RPGRIP1: variants seen among roughly 807,000 people sequenced by gnomAD.
RPGRIP1 encodes the protein RPGR interacting protein 1.
In RPGRIP1, 128 loss-of-function variants were observed where a neutral mutation model predicts 157.9. That is an observed-to-expected ratio of 0.81 (90% CI 0.70 to 0.94). The LOEUF (loss-of-function observed/expected upper bound fraction) is 0.94, where lower values mean the gene tolerates loss of function less well. RPGRIP1 is among the 40% of genes least tolerant of loss of function. The pLI, the probability that RPGRIP1 is intolerant of heterozygous loss-of-function variation, is 0.00. For missense variants in RPGRIP1, 1,486 were observed against 1,545.8 expected (o/e 0.96, Z 0.65); for synonymous variants, 554 against 571.6 (o/e 0.97, Z 0.44).
At chr14:21,295,478 ATTTTTTTTT>A (rs11342361) in intron 3 of RPGRIP1, among the ~76,000 whole-genome samples, 132 of 116,520 alleles carry the variant, frequency 1.1e-3, no homozygotes, top group East Asian at 1.7e-3. Context: ...TATTTTTGAG[ATTTTTTTTT>A]TTTTTTTTTT....
intron 23 of RPGRIP1, among the ~76,000 whole-genome samples, chr14:21,347,561 T>A (rs918672235): frequency 4.6e-5 from 7 of 152,358 alleles, no homozygotes; most frequent in Admixed American, 4.6e-4. Flanking sequence ...CTTGAATTTT[T>A]AGTCCTATTC....
intron 6 of RPGRIP1, among the ~76,000 whole-genome samples, chr14:21,306,379 T>C (rs1262898621): frequency 6.6e-6 from 1 of 151,296 alleles, no homozygotes; most frequent in African/African-American, 2.4e-5. Context: ...GTGATTCGCC[T>C]TCCTCGACCT....
intron 1 of RPGRIP1, among the ~76,000 whole-genome samples, chr14:21,282,605 ATTTTTTTTTTTTT>A (rs35939351): frequency 1.9e-5 from 2 of 103,238 alleles, no homozygotes; most frequent in African/African-American, 7.8e-5. Context: ...TCTACATTCC[ATTTTTTTTTTTTT>A]TTTTTTTTTG....
intron 17 of RPGRIP1, among the ~76,000 whole-genome samples, chr14:21,327,369 C>T (rs1883220604): frequency 6.6e-6 from 1 of 152,146 alleles, no homozygotes. Flanking sequence ...AAGCTGTACT[C>T]CTTTTCATAC....
At chr14:21,329,886 G>A (rs539441728) in intron 19 of RPGRIP1, among the ~76,000 whole-genome samples, 32 of 151,496 alleles carry the variant, frequency 2.1e-4, no homozygotes, top group African/African-American at 7.0e-4. Flanking sequence ...GGGAGGCTGA[G>A]GCATGCGGAT....
At chr14:21,296,296 A>T (rs929893234) in intron 3 of RPGRIP1, among the ~76,000 whole-genome samples, 1 of 151,718 alleles carries the variant, frequency 6.6e-6, no homozygotes, top group Non-Finnish European at 1.5e-5. Context: ...CGAACTCCTG[A>T]GCTCAGGCAA....
chr14:21,281,980 A>G (rs1418589386), intron 1 of RPGRIP1, among the ~76,000 whole-genome samples: 2 of 152,074 alleles, frequency 1.3e-5, no homozygotes, highest in Admixed American at 1.3e-4. Context: ...CTGTAATCCC[A>G]GCTACTCTGG....
chr14:21,294,575 A>C, intron 2 of RPGRIP1, 102 bp from the exon 3 acceptor site: 1 of 1,194,764 alleles, frequency 8.4e-7, no homozygotes, highest in East Asian at 2.5e-5. Flanking sequence ...TACTTGACTC[A>C]AGATAGATTT....
At chr14:21,342,951 G>GT (rs1200369202) in intron 21 of RPGRIP1, 85 bp from the exon 22 acceptor site, 3 of 910,284 alleles carry the variant, frequency 3.3e-6, no homozygotes, top group Non-Finnish European at 5.2e-6. Flanking sequence ...TTTCTAGAGA[G>GT]TACCGTAATG....
chr14:21,281,561 C>T (rs1381175025), intron 1 of RPGRIP1, among the ~76,000 whole-genome samples: 3 of 151,462 alleles, frequency 2.0e-5, no homozygotes, highest in Admixed American at 6.6e-5. Context: ...TGGCGGCTTG[C>T]GCCTGTAATT....
intron 1 of RPGRIP1, among the ~76,000 whole-genome samples, chr14:21,282,539 G>T (rs1185454264): frequency 6.9e-6 from 1 of 144,938 alleles, no homozygotes; most frequent in Non-Finnish European, 1.5e-5. Flanking sequence ...CCGGGTGGAA[G>T]TTTCTTCAGT....
chr14:21,303,873 A>G (rs2139161332), intron 6 of RPGRIP1, among the ~76,000 whole-genome samples: 1 of 152,128 alleles, frequency 6.6e-6, no homozygotes, highest in Non-Finnish European at 1.5e-5. Context: ...TGTAAATCCC[A>G]GCTACTAGGG....
intron 11 of RPGRIP1, among the ~76,000 whole-genome samples, chr14:21,318,621 G>T (rs7147638): frequency 0.35 from 52,689 of 151,434 alleles, 9,718 homozygotes; most frequent in East Asian, 0.43. Flanking sequence ...GATTGCAGGT[G>T]CCCACCACCA....
intron 11 of RPGRIP1, among the ~76,000 whole-genome samples, chr14:21,319,412 A>G (rs975002972): frequency 8.5e-5 from 13 of 152,190 alleles, no homozygotes; most frequent in African/African-American, 2.6e-4. Context: ...AAACACGAAA[A>G]TTAGCCAGTC....
At chr14:21,292,345 T>A (rs1386065440) in intron 2 of RPGRIP1, among the ~76,000 whole-genome samples, 3 of 151,644 alleles carry the variant, frequency 2.0e-5, no homozygotes, top group Non-Finnish European at 4.4e-5. Flanking sequence ...TCTAAGCACC[T>A]CAGAAACACT....
In RPGRIP1 at chr14:21,303,439, G is replaced by A. The variant is rs1366893342; in HGVS notation, c.696G>A (p.Met232Ile). The A allele has an allele frequency of 1.1e-5, 17 of 1,613,862 alleles. No homozygotes were observed. The highest frequency in any genetic ancestry group is 1.4e-5 in the Non-Finnish European group (17 of 1,179,858). The part of the protein sequence containing the change: ...NSAHIMASNT[M>I]QVEEPPKSPE... Reference sequence around the variant, plus strand: ...CCCACATCATGGCCAGCAATACCATGCAAGTGGAAGAGCCACCCAAGTCTC... The same window carrying A: ...CCCACATCATGGCCAGCAATACCATACAAGTGGAAGAGCCACCCAAGTCTC... The change falls in exon 6 of 25, where the codon ATG becomes ATA. Residue 232 changes from methionine to isoleucine, a missense_variant. Coordinates refer to ENST00000400017, the MANE Select transcript of RPGRIP1 (RefSeq NM_020366.4).
At chr14:21,301,725 A>AATAAT (rs59227988) in intron 4 of RPGRIP1, among the ~76,000 whole-genome samples, 1,907 of 87,336 alleles carry the variant, frequency 0.022, 22 homozygotes, top group East Asian at 0.03. Flanking sequence ...ATAATAATAA[A>AATAAT]AAATTAGCCA....
chr14:21,346,350 G>A (rs971844870), intron 23 of RPGRIP1, among the ~76,000 whole-genome samples: 35 of 152,236 alleles, frequency 2.3e-4, no homozygotes, highest in African/African-American at 7.5e-4. Context: ...AGGAGTTTGA[G>A]ACCAGCCTGG....
In RPGRIP1 at chr14:21,321,251, C is replaced by T. The variant is rs766228869; in HGVS notation, c.1468-8C>T. ...TACTCCCTTTTACCAATGCGTTTCCCTCTACAGCCAAGTGAACCCAAAAAC... is the reference window on the plus strand; with the variant it reads ...TACTCCCTTTTACCAATGCGTTTCCTTCTACAGCCAAGTGAACCCAAAAAC... On this transcript the variant is annotated splice_region_variant and splice_polypyrimidine_tract_variant and intron_variant, in intron 12 of 24. Coordinates refer to ENST00000400017, the MANE Select transcript of RPGRIP1 (RefSeq NM_020366.4). 3 of 1,610,764 alleles carry T rather than the reference C, an allele frequency of 1.9e-6. No homozygotes were observed. The highest frequency in any genetic ancestry group is 4.5e-5 in the East Asian group (2 of 44,876).
Sources: gnomAD v4.1 joint callset for allele counts (sites outside exome capture counted in the v4.1 genomes callset) on GRCh38, gnomAD v4.1.1 for gene constraint, MANE v1.5 for transcripts, NCBI Gene and HGNC (gene_info 2026-07-23, HGNC 2026-07-21) for gene names.